The following APH1B variants were observed in gnomAD, a reference collection of about 807,000 sequenced individuals.
APH1B encodes the protein aph-1B gamma-secretase subunit.
A neutral mutation model predicts 28.2 loss-of-function variants in APH1B; 27 were observed. The ratio of observed to expected loss-of-function variants is 0.96; its 90% confidence interval spans 0.70 to 1.32. APH1B has a LOEUF of 1.32. APH1B is among the 40% of genes most tolerant of loss of function. The probability of loss-of-function intolerance (pLI) is 0.00; values close to 1 mark genes in which losing one functional copy is unlikely to be tolerated. For synonymous variants in APH1B, 141 were observed against 124.6 expected (o/e 1.13, Z -0.88); for missense variants, 305 against 313.6 (o/e 0.97, Z 0.21).
intron 4 of APH1B, among the ~76,000 whole-genome samples, chr15:63,288,367 A>T (rs1294550449): frequency 1.3e-5 from 2 of 152,226 alleles, no homozygotes; most frequent in East Asian, 3.8e-4. Context: ...ACCAATTTTT[A>T]AAAATTTCTG....
rs113837395 is a variant in APH1B, at chr15:63,303,874, A to AACACACACAC, written c.606+1427_606+1436dup. Among the ~76,000 whole-genome samples the AACACACACAC allele has an allele frequency of 1.9e-3, 274 of 145,690 alleles. 1 individual carries two copies. Among genetic ancestry groups the AACACACACAC allele is most frequent in the South Asian group, 5.1e-3 (23 of 4,486 alleles). ...TTGGTGAACACACACACACACACACAACACACACACACACACACACACACA... is the reference window on the plus strand; with the variant it reads ...TTGGTGAACACACACACACACACACAACACACACACACACACACACACACACACACACACA... On this transcript the variant is annotated intron_variant, in intron 5 of 5. Transcript: ENST00000261879.
intron 5 of APH1B, among the ~76,000 whole-genome samples, chr15:63,305,229 C>T (rs1356226681): frequency 6.6e-6 from 1 of 152,244 alleles, no homozygotes; most frequent in Non-Finnish European, 1.5e-5. Context: ...ACTATTCCCT[C>T]ATGTTCCCTT....
At chr15:63,301,001 G>A (rs1270443080) in intron 4 of APH1B, among the ~76,000 whole-genome samples, 1 of 152,232 alleles carries the variant, frequency 6.6e-6, no homozygotes, top group Non-Finnish European at 1.5e-5. Flanking sequence ...TTGTGCAGAT[G>A]TGTACGTTTC....
intron 4 of APH1B, among the ~76,000 whole-genome samples, chr15:63,295,308 G>A (rs960078370): frequency 6.6e-6 from 1 of 152,238 alleles, no homozygotes; most frequent in Non-Finnish European, 1.5e-5. Flanking sequence ...CCCGCTGCCT[G>A]AAGGCAGGTC....
At chr15:63,288,001 A>G (rs2038465472) in intron 4 of APH1B, among the ~76,000 whole-genome samples, 1 of 152,206 alleles carries the variant, frequency 6.6e-6, no homozygotes, top group African/African-American at 2.4e-5. Flanking sequence ...AGCTAAAAGG[A>G]CCAACTCATT....
intron 2 of APH1B, among the ~76,000 whole-genome samples, chr15:63,285,979 G>A (rs1295065401): frequency 1.3e-5 from 2 of 152,182 alleles, no homozygotes; most frequent in African/African-American, 4.8e-5. Context: ...CAGTATTATA[G>A]GATTTAAGAA....
intron 2 of APH1B, among the ~76,000 whole-genome samples, chr15:63,281,458 G>C (rs2038386694): frequency 6.7e-6 from 1 of 148,890 alleles, no homozygotes; most frequent in Admixed American, 6.8e-5. Flanking sequence ...TCACAGCTCA[G>C]CCTCACATTG....
intron 2 of APH1B, among the ~76,000 whole-genome samples, chr15:63,282,502 G>A (rs1479816139): frequency 6.6e-6 from 1 of 152,118 alleles, no homozygotes; most frequent in Non-Finnish European, 1.5e-5. Flanking sequence ...AGAGAAATTG[G>A]CATGTGTGGT....
chr15:63,278,518 G>C (rs1024597460), intron 1 of APH1B, among the ~76,000 whole-genome samples: 1 of 152,130 alleles, frequency 6.6e-6, no homozygotes, highest in East Asian at 1.9e-4. Context: ...AAAGTGCTTC[G>C]CTGCATGTCA....
Position 63,279,294 on chromosome 15 carries a change from C to G in APH1B, c.247C>G (p.Gln83Glu). The change falls in exon 2 of 6, where the codon CAA becomes GAA. Residue 83 changes from glutamine (Q) to glutamate (E), a missense_variant. Coordinates refer to ENST00000261879, the MANE Select transcript of APH1B (RefSeq NM_031301.4). ...TGGAGCGTTTGTCTCTGTCTATATC[C>G]AAGAAATGTTCCGATTTGCATATTA... The part of the protein sequence containing the change: ...IFGAFVSVYI[Q>E]EMFRFAYYKL... 6.2e-7 allele frequency: 1 copy of G among 1,609,804 alleles called. No homozygotes were observed. Among genetic ancestry groups the G allele is most frequent in the Non-Finnish European group, 8.5e-7 (1 of 1,176,710 alleles).
intron 4 of APH1B, among the ~76,000 whole-genome samples, chr15:63,293,468 G>GT (rs1031940546): frequency 1.5e-4 from 22 of 144,842 alleles, no homozygotes; most frequent in African/African-American, 2.3e-4. Flanking sequence ...CACCTGGCCT[G>GT]TTTTTTTGTG....
rs549506438 is a variant in APH1B, at chr15:63,286,061, T to C, written c.285-497T>C. On this transcript the variant is annotated intron_variant, in intron 2 of 5. Transcript: ENST00000261879. ...ACAAATCGCTGCCTGAAGTGGACTC[T>C]GAAGGATGAGTGTAGTTTAGGTTCT... is the stretch of plus-strand genomic sequence containing the variant. Among the ~76,000 whole-genome samples, 123 of 152,308 alleles carry C rather than the reference T, an allele frequency of 8.1e-4. No individual in the cohort carries two copies. In the South Asian group the frequency reaches 0.024, roughly 30 times the overall value.
At chr15:63,303,625 A>G (rs1173748645) in intron 5 of APH1B, among the ~76,000 whole-genome samples, 2 of 152,026 alleles carry the variant, frequency 1.3e-5, no homozygotes, top group East Asian at 3.9e-4. Context: ...CCTTCCAAGT[A>G]GCTGGGACTA....
chr15:63,283,699 G>T (rs897264147), intron 2 of APH1B, among the ~76,000 whole-genome samples: 15 of 152,110 alleles, frequency 9.9e-5, no homozygotes, highest in Non-Finnish European at 1.5e-4. Flanking sequence ...TTTTGGTGAG[G>T]TTCATCTGTT....
intron 2 of APH1B, among the ~76,000 whole-genome samples, chr15:63,285,782 A>G (rs2038439076): frequency 6.6e-6 from 1 of 152,226 alleles, no homozygotes; most frequent in Non-Finnish European, 1.5e-5. Flanking sequence ...CTTGAGCAGT[A>G]TTCTGTTCTT....
intron 2 of APH1B, among the ~76,000 whole-genome samples, chr15:63,282,662 A>G (rs979521568): frequency 1.3e-5 from 2 of 152,210 alleles, no homozygotes; most frequent in East Asian, 3.8e-4. Context: ...TAAAACAGAC[A>G]TTAGGATTTT....
intron 4 of APH1B, among the ~76,000 whole-genome samples, chr15:63,289,146 G>A (rs1213281473): frequency 1.3e-5 from 2 of 152,198 alleles, no homozygotes; most frequent in Non-Finnish European, 2.9e-5. Flanking sequence ...CTTTAGCTAA[G>A]TTAGCATGGC....
At chr15:63,286,743 T>A in intron 3 of APH1B, 115 bp downstream of exon 3, 1 of 961,082 alleles carries the variant, frequency 1.0e-6, no homozygotes, top group Non-Finnish European at 1.5e-6. Context: ...TGCCTTGGCC[T>A]ATTGGTGTAC....
rs2038686956 is a variant in APH1B, at chr15:63,306,263, G to C, written c.*482G>C. 6.4e-6 allele frequency: 1 copy of C among 156,868 alleles called. No homozygotes were observed. Among genetic ancestry groups the C allele is most frequent in the Admixed American group, 6.2e-5 (1 of 16,080 alleles). 9.7% of individuals were successfully genotyped at this position (156,868 alleles called of 1,614,324 possible). A position where few individuals can be genotyped will look rare whatever the true frequency, so the allele number is the denominator to read the frequency against. ...TTCCTAAGTTCTGAAGTCACAAAAG[G>C]CTAAAGGGCTATCACCCCTGCTCAC... On this transcript the variant is annotated 3_prime_UTR_variant, in exon 6 of 6. Transcript: ENST00000261879.
Sources: allele counts gnomAD v4.1 joint callset (sites outside exome capture counted in the v4.1 genomes callset), GRCh38; gene constraint gnomAD v4.1.1; transcripts MANE v1.5; gene names NCBI Gene and HGNC (gene_info 2026-07-23, HGNC 2026-07-21).